The following GRM4 variants were observed in gnomAD, a reference collection of about 807,000 sequenced individuals.
The protein encoded by GRM4 is glutamate metabotropic receptor 4.
In GRM4, 28 loss-of-function variants were observed where a neutral mutation model predicts 81.7. The ratio of observed to expected loss-of-function variants is 0.34; its 90% CI spans 0.25 to 0.47. GRM4 has a LOEUF of 0.47. Among genes scored for constraint, GRM4 ranks in the 20% least tolerant of loss-of-function variants. The probability of loss-of-function intolerance (pLI) is 1.00; values close to 1 mark genes in which losing one functional copy is unlikely to be tolerated. For missense variants in GRM4, 948 were observed against 1,290.0 expected (o/e 0.73, Z 4.06); for synonymous variants, 488 against 528.8 (o/e 0.92, Z 1.06).
At chr6:34,128,257 G>A (rs1453653819) in intron 2 of GRM4, among the ~76,000 whole-genome samples, 2 of 152,160 alleles carry the variant, frequency 1.3e-5, no homozygotes, top group East Asian at 1.9e-4. Flanking sequence ...CCGCATCGCC[G>A]GAGTCCCTCA....
chr6:34,102,368 T>G (rs1188571134), intron 2 of GRM4, among the ~76,000 whole-genome samples: 1 of 152,244 alleles, frequency 6.6e-6, no homozygotes, highest in Non-Finnish European at 1.5e-5. Flanking sequence ...TTGGCCTCAC[T>G]GACTCGGCTC....
At chr6:34,051,184 A>G (rs1765592515) in intron 6 of GRM4, among the ~76,000 whole-genome samples, 1 of 152,000 alleles carries the variant, frequency 6.6e-6, no homozygotes, top group Admixed American at 6.6e-5. Context: ...TCTAAGCAAA[A>G]TGTCTCTGGA....
At chr6:34,076,624 T>C (rs1230703195) in intron 3 of GRM4, among the ~76,000 whole-genome samples, 1 of 152,092 alleles carries the variant, frequency 6.6e-6, no homozygotes, top group Non-Finnish European at 1.5e-5. Flanking sequence ...ACAGGATGCC[T>C]TCCCAAAGTG....
chr6:34,102,424 C>T (rs917212162), intron 2 of GRM4, among the ~76,000 whole-genome samples: 1 of 152,206 alleles, frequency 6.6e-6, no homozygotes, highest in Non-Finnish European at 1.5e-5. Flanking sequence ...TCCAGGCACA[C>T]TCCGCCTCAG....
chr6:34,101,624 G>A (rs555811631), intron 2 of GRM4, among the ~76,000 whole-genome samples: 1 of 152,326 alleles, frequency 6.6e-6, no homozygotes, highest in Admixed American at 6.5e-5. Flanking sequence ...TCCTCTCCTT[G>A]CTGAGCCCCC....
At chr6:34,023,824 G>A (rs1253377041) in intron 10 of GRM4, among the ~76,000 whole-genome samples, 2 of 152,216 alleles carry the variant, frequency 1.3e-5, no homozygotes, top group East Asian at 3.9e-4. Flanking sequence ...TGAGGCCAGA[G>A]GGGTGAGGGG....
At chr6:34,151,269 A>G (rs1301277353) in intron 1 of GRM4, among the ~76,000 whole-genome samples, 1 of 152,198 alleles carries the variant, frequency 6.6e-6, no homozygotes, top group Non-Finnish European at 1.5e-5. Context: ...AAATTGTTAA[A>G]TGAATGAATG....
intron 2 of GRM4, among the ~76,000 whole-genome samples, chr6:34,113,209 C>G (rs1769457250): frequency 6.6e-6 from 1 of 151,290 alleles, no homozygotes; most frequent in Non-Finnish European, 1.5e-5. Flanking sequence ...TGGAGTACAA[C>G]AGTGCAATGA....
In GRM4 at chr6:34,036,474, T is replaced by G. The variant is rs752892164; in HGVS notation, c.1636A>C (p.Thr546Pro). The change falls in exon 9 of 11, where the codon ACA becomes CCA. Residue 546 changes from threonine (T) to proline (P), a missense_variant. Physicochemically the swap from Thr to Pro is conservative, Grantham distance 38. Coordinates refer to ENST00000538487, the MANE Select transcript of GRM4 (RefSeq NM_000841.4). This position sits in a 1 kb window ranked among gnomAD's most constrained non-coding sequence, Gnocchi z 9.0. ...CGGTCCACCTGGTACTGGTACCCTG[T>G]GCAAGGCTCGCAGTGCCAGCAGCAA... The part of the protein sequence containing the change: ...MPCCWHCEPC[T>P]GYQYQVDRYT... 15 of 1,613,376 alleles carry G rather than the reference T, an allele frequency of 9.3e-6. No individual in the cohort carries two copies. The South Asian group carries it at 1.6e-4, about 18-fold the overall frequency.
rs527461683 is a variant in GRM4 at position 34,092,750 on chromosome 6, C to G, written c.520-651G>C. 3.9e-5 allele frequency among the ~76,000 whole-genome samples: 6 copies of G among 152,134 alleles called. No homozygotes were observed. Among genetic ancestry groups the G allele is most frequent in the African/African-American group, 7.2e-5 (3 of 41,444 alleles). ...ACCACCCTGCCGGGTCCCACAGCCTCTCCAAGGCAGAGCCGACCCGGGGCC... is the reference window on the plus strand; with the variant it reads ...ACCACCCTGCCGGGTCCCACAGCCTGTCCAAGGCAGAGCCGACCCGGGGCC... On this transcript the variant is annotated intron_variant, in intron 2 of 10. Transcript: ENST00000538487. This position sits in a 1 kb window ranked among gnomAD's most constrained non-coding sequence, Gnocchi z 6.8.
At chr6:34,145,899 ACCCGCCCTGCTGG>A in intron 1 of GRM4, 88 bp downstream of exon 1, 1 of 711,840 alleles carries the variant, frequency 1.4e-6, no homozygotes, top group Non-Finnish European at 1.7e-6. Context: ...ACCCCTCCAC[ACCCGCCCTGCTGG>A]CAGCTCCCCC....
intron 6 of GRM4, among the ~76,000 whole-genome samples, chr6:34,050,661 C>A (rs183153133): frequency 6.6e-6 from 1 of 152,222 alleles, no homozygotes; most frequent in Non-Finnish European, 1.5e-5. Context: ...TAGCACACAC[C>A]TTCTCACTGA....
intron 3 of GRM4, among the ~76,000 whole-genome samples, chr6:34,066,760 A>G (rs1217807814): frequency 6.6e-6 from 1 of 152,084 alleles, no homozygotes; most frequent in Non-Finnish European, 1.5e-5. Flanking sequence ...ATCAGAATCA[A>G]GCAGATGTGG....
Position 34,022,834 on chromosome 6 carries a change from T to C in GRM4, c.2726A>G (p.Asn909Ser), listed in dbSNP as rs774206540. ...TCCATGGACTCGCTAGATTGCATGGTTGGTGTAAGTGACGTAAGTCTGTTT... is the reference window on the plus strand; with the variant it reads ...TCCATGGACTCGCTAGATTGCATGGCTGGTGTAAGTGACGTAAGTCTGTTT... ...ATKQTYVTYT[N>S]HAI The change falls in exon 11 of 11, where the codon AAC becomes AGC. Residue 909 changes from asparagine to serine, a missense_variant. Coordinates refer to ENST00000538487, the MANE Select transcript of GRM4 (RefSeq NM_000841.4). This position sits in a 1 kb window ranked among gnomAD's most constrained non-coding sequence, Gnocchi z 5.6. 6.2e-7 allele frequency: 1 copy of C among 1,613,830 alleles called. No homozygotes were observed. The highest frequency in any genetic ancestry group is 1.1e-5 in the South Asian group (1 of 91,068).
At chr6:34,155,502 C>T in exon 1 of GRM4, 1 of 642,824 alleles carries the variant, frequency 1.6e-6, no homozygotes, top group Non-Finnish European at 2.5e-6. Flanking sequence ...TGTGTCCAGG[C>T]CGCATCCCAA....
At chr6:34,072,625 CAT>C (rs1475623471) in intron 3 of GRM4, among the ~76,000 whole-genome samples, 1 of 144,988 alleles carries the variant, frequency 6.9e-6, no homozygotes, top group South Asian at 2.2e-4. Context: ...CACATCACCG[CAT>C]AGATACACAC....
chr6:34,125,393 C>T (rs1217007804), intron 2 of GRM4, among the ~76,000 whole-genome samples: 1 of 152,010 alleles, frequency 6.6e-6, no homozygotes, highest in East Asian at 1.9e-4. Flanking sequence ...GTGGGTGGGG[C>T]GCTCCCTGGA....
Position 34,040,213 on chromosome 6 carries a change from C to T in GRM4, c.1471G>A (p.Val491Ile), listed in dbSNP as rs1399466866. 1 of 1,614,078 alleles carries T rather than the reference C, an allele frequency of 6.2e-7. No individual in the cohort carries two copies. Among genetic ancestry groups the T allele is most frequent in the African/African-American group, 1.3e-5 (1 of 74,950 alleles). Residue 491 changes from valine (V) to isoleucine (I), a missense_variant, in exon 8 of 11, where the codon GTC (valine) becomes ATC (isoleucine). Physicochemically the swap from Val to Ile is conservative, Grantham distance 29 (BLOSUM62 3). Transcript: ENST00000538487. The stretch of plus-strand genomic sequence containing the variant: ...AGGTGGTCAGTCCAGGAGCCAATGA[C>T]CTTGTACTCGGCAGAATCGTTGCGC... ...QLRNDSAEYK[V>I]IGSWTDHLHL...
chr6:34,084,369 G>A (rs1258849532), intron 3 of GRM4, among the ~76,000 whole-genome samples: 2 of 152,168 alleles, frequency 1.3e-5, no homozygotes, highest in African/African-American at 4.8e-5. Flanking sequence ...AGTGGGGCAG[G>A]GGCAGAGGGA....
Sources: gnomAD v4.1 joint callset for allele counts (sites outside exome capture counted in the v4.1 genomes callset) on GRCh38, gnomAD v4.1.1 for gene constraint, Gnocchi (gnomAD v3.1) non-coding constraint, MANE v1.5 for transcripts, NCBI Gene and HGNC (gene_info 2026-07-23, HGNC 2026-07-21) for gene names.